The following ZMIZ1 variants were observed in gnomAD, a reference collection of about 807,000 sequenced individuals.
ZMIZ1 encodes the protein zinc finger MIZ-type containing 1, also known as zinc finger MIZ domain-containing protein 1.
ZMIZ1 carries 17 observed loss-of-function variants against 113.9 expected under a neutral mutation model. The observed-to-expected ratio is 0.15, with a 90% CI of 0.10 to 0.22. The LOEUF (loss-of-function observed/expected upper bound fraction) is 0.22. ZMIZ1 is among the 10% of genes least tolerant of loss of function. The pLI, the probability that ZMIZ1 is intolerant of heterozygous loss-of-function variation, is 1.00. For missense variants in ZMIZ1, 1,059 were observed against 1,477.8 expected (o/e 0.72, Z 4.65); for synonymous variants, 607 against 603.1 (o/e 1.01, Z -0.09).
chr10:79,196,555 A>C (rs1847840639), intron 4 of ZMIZ1, among the ~76,000 whole-genome samples: 1 of 152,248 alleles, frequency 6.6e-6, no homozygotes, highest in South Asian at 2.1e-4. Flanking sequence ...GCCGGCCTCC[A>C]GACAAGACTG....
chr10:79,070,072 C>CCGG (rs1842206920), intron 1 of ZMIZ1, among the ~76,000 whole-genome samples: 1 of 149,240 alleles, frequency 6.7e-6, no homozygotes, highest in Admixed American at 6.7e-5. Context: ...CTCTCCGTCT[C>CCGG]CGGCGGCGGT....
intron 7 of ZMIZ1, among the ~76,000 whole-genome samples, chr10:79,268,618 C>G (rs1039375740): frequency 6.6e-6 from 1 of 152,176 alleles, no homozygotes; most frequent in African/African-American, 2.4e-5. Flanking sequence ...AGAAGTGAAG[C>G]CCCCAAATCC....
intron 6 of ZMIZ1, among the ~76,000 whole-genome samples, chr10:79,208,781 C>CCATT (rs1196851431): frequency 5.5e-5 from 8 of 144,472 alleles, no homozygotes; most frequent in Admixed American, 2.1e-4. Flanking sequence ...CATTTTTTAT[C>CCATT]CAGTCATTCA....
chr10:79,280,476 T>C (rs1456932607), intron 8 of ZMIZ1, among the ~76,000 whole-genome samples: 1 of 150,068 alleles, frequency 6.7e-6, no homozygotes. Flanking sequence ...GGTCTCGCTA[T>C]GTTGCCCAGG....
chr10:79,224,499 C>T (rs1849123566), intron 7 of ZMIZ1, among the ~76,000 whole-genome samples: 1 of 152,090 alleles, frequency 6.6e-6, no homozygotes, highest in Non-Finnish European at 1.5e-5. Context: ...CCCCTGCCTA[C>T]AGAGCGGGGG....
At chr10:79,261,501 C>G (rs532271405) in intron 7 of ZMIZ1, among the ~76,000 whole-genome samples, 9 of 152,204 alleles carry the variant, frequency 5.9e-5, no homozygotes, top group Admixed American at 3.3e-4. Context: ...AAACAGGGAG[C>G]CTGGCCTGAA....
chr10:79,167,858 A>T (rs1227246259), intron 4 of ZMIZ1, among the ~76,000 whole-genome samples: 3 of 152,168 alleles, frequency 2.0e-5, no homozygotes, highest in African/African-American at 7.2e-5. Context: ...CAGCCAGCAG[A>T]GTCTGAATCT....
intron 7 of ZMIZ1, among the ~76,000 whole-genome samples, chr10:79,253,891 C>CAT (rs1437006707): frequency 6.6e-6 from 1 of 152,160 alleles, no homozygotes; most frequent in East Asian, 1.9e-4. Context: ...CACACACACA[C>CAT]ATGCTGACAC....
Position 79,132,577 on chromosome 10 carries a change from C to CA in ZMIZ1, c.-226-7102dup, listed in dbSNP as rs527846725. 4.6e-5 allele frequency among the ~76,000 whole-genome samples: 7 copies of CA among 152,348 alleles called. No individual in the cohort carries two copies. The East Asian group carries it at 1.3e-3, about 29-fold the overall frequency. On this transcript the variant is annotated intron_variant, in intron 2 of 24. Transcript: ENST00000334512. ...TACTACATGGGATGAGACTGGGGGC[C>CA]AAATTTGCTGCCTCTCCCCTATTCT... is the stretch of plus-strand genomic sequence containing the variant.
chr10:79,175,568 A>C (rs1846797668), intron 4 of ZMIZ1, among the ~76,000 whole-genome samples: 4 of 144,858 alleles, frequency 2.8e-5, no homozygotes, highest in Non-Finnish European at 3.0e-5. Flanking sequence ...GGACTTCTCT[A>C]ATCTGTGCAC....
chr10:79,215,997 T>G (rs1848712149), intron 6 of ZMIZ1, among the ~76,000 whole-genome samples, 172 bp from the exon 7 acceptor site: 1 of 151,952 alleles, frequency 6.6e-6, no homozygotes. Flanking sequence ...ACGGAAGAGG[T>G]GTTCATCAGT....
Position 79,289,757 on chromosome 10 carries a change from C to G in ZMIZ1, c.426-18C>G, listed in dbSNP as rs374100361. The stretch of plus-strand genomic sequence containing the variant: ...TGCCTGCCAGGCCCTGAAGATCTCC[C>G]TCTGTCTCCCTCTGCAGTGATGGGT... On this transcript the variant is annotated intron_variant, in intron 8 of 24. Coordinates refer to ENST00000334512, the MANE Select transcript of ZMIZ1 (RefSeq NM_020338.4). 5 of 1,608,932 alleles carry G rather than the reference C, an allele frequency of 3.1e-6. No individual in the cohort carries two copies. Among genetic ancestry groups the G allele is most frequent in the African/African-American group, 2.7e-5 (2 of 74,820 alleles).
intron 4 of ZMIZ1, among the ~76,000 whole-genome samples, chr10:79,173,523 G>A (rs1846692936): frequency 6.6e-6 from 1 of 152,032 alleles, no homozygotes; most frequent in South Asian, 2.1e-4. Flanking sequence ...CAGGGGGCGG[G>A]GTGGCTTCTC....
intron 24 of ZMIZ1, among the ~76,000 whole-genome samples, chr10:79,312,134 C>T (rs922720310): frequency 3.9e-5 from 6 of 152,348 alleles, no homozygotes; most frequent in Admixed American, 1.3e-4. Context: ...GCATCCCCTC[C>T]GGGGCCACAG....
intron 7 of ZMIZ1, among the ~76,000 whole-genome samples, chr10:79,236,999 G>T (rs974231793): frequency 6.6e-6 from 1 of 152,220 alleles, no homozygotes; most frequent in African/African-American, 2.4e-5. Flanking sequence ...AGACTCACAG[G>T]CATGTCAGAG....
At chr10:79,087,534 A>G (rs1842855939) in intron 1 of ZMIZ1, among the ~76,000 whole-genome samples, 1 of 152,146 alleles carries the variant, frequency 6.6e-6, no homozygotes, top group South Asian at 2.1e-4. Flanking sequence ...CCAGGCAGCA[A>G]CCTTCTCCCT....
intron 1 of ZMIZ1, among the ~76,000 whole-genome samples, chr10:79,086,824 C>A (rs2132209461): frequency 6.6e-6 from 1 of 151,958 alleles, no homozygotes; most frequent in East Asian, 1.9e-4. Flanking sequence ...TTCTCTATAC[C>A]TTTGGCCAAT....
intron 7 of ZMIZ1, among the ~76,000 whole-genome samples, chr10:79,244,823 G>A (rs1326280601): frequency 6.6e-6 from 1 of 152,204 alleles, no homozygotes; most frequent in African/African-American, 2.4e-5. Context: ...CCTGAAGTCA[G>A]GGTGACCCCA....
At chr10:79,103,361 T>C (rs907677232) in intron 1 of ZMIZ1, among the ~76,000 whole-genome samples, 1 of 149,292 alleles carries the variant, frequency 6.7e-6, no homozygotes, top group Admixed American at 6.6e-5. Context: ...GAAGTGAGAG[T>C]GGGAGGCCAA....
Sources: allele counts gnomAD v4.1 joint callset (sites outside exome capture counted in the v4.1 genomes callset), GRCh38; gene constraint gnomAD v4.1.1; transcripts MANE v1.5; gene names NCBI Gene and HGNC (gene_info 2026-07-23, HGNC 2026-07-21).